Variants in NAALADL2 observed in about 807,000 individuals in gnomAD.
NAALADL2 encodes the protein inactive N-acetylated-alpha-linked acidic dipeptidase-like protein 2.
NAALADL2 carries 76 observed loss-of-function variants against 87.2 expected under a neutral mutation model. The observed-to-expected ratio is 0.87, with a 90% CI of 0.72 to 1.05. The LOEUF (loss-of-function observed/expected upper bound fraction) is 1.05. Among genes scored for constraint, NAALADL2 ranks in the 50% least tolerant of loss-of-function variants. The pLI, the probability that NAALADL2 is intolerant of heterozygous loss-of-function variation, is 0.00. For synonymous variants in NAALADL2, 354 were observed against 331.0 expected, an observed-to-expected ratio of 1.07 and a Z score of -0.75; for missense variants, 1,089 against 945.8, an observed-to-expected ratio of 1.15 and a Z score of -1.99.
chr3:174,542,288 C>T (rs767837716), intron 1 of NAALADL2, among the ~76,000 whole-genome samples: 33 of 152,154 alleles, frequency 2.2e-4, no homozygotes, highest in Non-Finnish European at 4.1e-4. Flanking sequence ...AATATACACT[C>T]CTCCTTAAGT....
At chr3:174,950,123 A>T (rs543908779) in intron 1 of NAALADL2, among the ~76,000 whole-genome samples, 1 of 152,160 alleles carries the variant, frequency 6.6e-6, no homozygotes, top group Non-Finnish European at 1.5e-5. Context: ...GAGACAGAGA[A>T]TACCAAAGTT....
intron 5 of NAALADL2, among the ~76,000 whole-genome samples, chr3:175,423,028 A>AAAAAAAATAT (rs1438736874): frequency 2.2e-4 from 24 of 111,296 alleles, no homozygotes; most frequent in African/African-American, 8.2e-4. Flanking sequence ...GAAAAAAAAA[A>AAAAAAAATAT]ATATATATAT....
intron 1 of NAALADL2, among the ~76,000 whole-genome samples, chr3:174,990,214 A>AAG (rs1746527206): frequency 1.3e-5 from 2 of 152,150 alleles, no homozygotes; most frequent in Non-Finnish European, 2.9e-5. Flanking sequence ...AGTCGAAACT[A>AAG]TTGATATAAT....
intron 9 of NAALADL2, among the ~76,000 whole-genome samples, chr3:175,482,439 C>T (rs6785059): frequency 0.6 from 91,038 of 151,404 alleles, 29,387 homozygotes; most frequent in East Asian, 0.89. Context: ...GTTTATGGTG[C>T]GGTCTTTTAA....
intron 2 of NAALADL2, among the ~76,000 whole-genome samples, chr3:174,597,068 G>A (rs760148249): frequency 1.2e-4 from 18 of 152,122 alleles, no homozygotes; most frequent in Non-Finnish European, 2.2e-4. Flanking sequence ...AGGATTCACA[G>A]GACTCTACAT....
intron 1 of NAALADL2, among the ~76,000 whole-genome samples, chr3:174,530,564 A>G (rs1721149182): frequency 6.6e-6 from 1 of 152,246 alleles, no homozygotes; most frequent in Non-Finnish European, 1.5e-5. Flanking sequence ...TTTACAAAAG[A>G]AAGAGGTTTA....
chr3:174,747,492 T>G (rs1463225942), intron 3 of NAALADL2, among the ~76,000 whole-genome samples: 2 of 151,508 alleles, frequency 1.3e-5, no homozygotes, highest in Non-Finnish European at 2.9e-5. Flanking sequence ...CATGGTGGTG[T>G]GCACCTGTAA....
At chr3:175,199,885 TTTTTTTTC>T (rs1560154302) in intron 2 of NAALADL2, among the ~76,000 whole-genome samples, 1 of 92,240 alleles carries the variant, frequency 1.1e-5, no homozygotes, top group Non-Finnish European at 2.3e-5. Flanking sequence ...TTTTTTTTTT[TTTTTTTTC>T]CTTAGTCCAT....
rs56688716 is a variant in NAALADL2 at position 175,364,835 on chromosome 3, C to T, written c.1090+40510C>T. On this transcript the variant is annotated intron_variant, in intron 5 of 13. Coordinates refer to ENST00000454872, the MANE Select transcript of NAALADL2 (RefSeq NM_207015.3). ...GAGAATAAAATACATACTCAAAAGA[C>T]AGATCACAAGTTAGTCAGTGGAGGA... Among the ~76,000 whole-genome samples the T allele has an allele frequency of 5.3e-3, 789 of 147,628 alleles. 48 individuals carry two copies. The highest frequency in any genetic ancestry group is 0.018 in the African/African-American group (748 of 40,734).
At chr3:175,554,799 A>C (rs1714998518) in intron 9 of NAALADL2, among the ~76,000 whole-genome samples, 2 of 152,174 alleles carry the variant, frequency 1.3e-5, no homozygotes, top group Admixed American at 6.5e-5. Flanking sequence ...CTTAAAGTGA[A>C]AAATAATAAA....
At chr3:175,429,901 T>C (rs1043868540) in intron 5 of NAALADL2, among the ~76,000 whole-genome samples, 2 of 151,974 alleles carry the variant, frequency 1.3e-5, no homozygotes, top group African/African-American at 4.8e-5. Flanking sequence ...AATAACATTA[T>C]ACAATTATTT....
Position 174,859,351 on chromosome 3 carries a change from G to C in NAALADL2, c.-57G>C. 1.5e-6 allele frequency: 2 copies of C among 1,315,728 alleles called. No homozygotes were observed. Among genetic ancestry groups the C allele is most frequent in the Admixed American group, 3.7e-5 (2 of 53,744 alleles). 81.5% of individuals were successfully genotyped at this position (1,315,728 alleles called of 1,614,324 possible). A position where few individuals can be genotyped will look rare whatever the true frequency, so the allele number is the denominator to read the frequency against. On this transcript the variant is annotated 5_prime_UTR_variant, in exon 1 of 14. Transcript: ENST00000454872. Reference sequence around the variant, plus strand: ...AGAAAGTCAGAAGGTCACAAAGCTTGCAGGGTAAGTGACACAACTTGAAAC... The same window carrying C: ...AGAAAGTCAGAAGGTCACAAAGCTTCCAGGGTAAGTGACACAACTTGAAAC...
intron 2 of NAALADL2, among the ~76,000 whole-genome samples, chr3:175,138,604 T>TTTA (rs372069779): frequency 3.3e-5 from 5 of 149,670 alleles, no homozygotes; most frequent in African/African-American, 4.9e-5. Flanking sequence ...TTACAGAGTA[T>TTTA]TTATTATTAT....
chr3:174,930,012 C>A (rs1214323098), intron 1 of NAALADL2, among the ~76,000 whole-genome samples: 1 of 152,090 alleles, frequency 6.6e-6, no homozygotes, highest in East Asian at 1.9e-4. Flanking sequence ...TATCTTTACT[C>A]CAATCAAAGC....
At chr3:174,865,277 G>A (rs1355705755) in intron 1 of NAALADL2, among the ~76,000 whole-genome samples, 1 of 152,022 alleles carries the variant, frequency 6.6e-6, no homozygotes, top group African/African-American at 2.4e-5. Context: ...ATTTAATGCA[G>A]TTTATAATGA....
chr3:174,799,544 TA>T (rs1718561199), intron 3 of NAALADL2, among the ~76,000 whole-genome samples: 1 of 152,156 alleles, frequency 6.6e-6, no homozygotes, highest in Non-Finnish European at 1.5e-5. Flanking sequence ...CTGTGAAGCT[TA>T]AAAAGCCACA....
intron 1 of NAALADL2, among the ~76,000 whole-genome samples, chr3:174,872,036 C>CT (rs1462984617): frequency 6.6e-6 from 1 of 152,024 alleles, no homozygotes; most frequent in Non-Finnish European, 1.5e-5. Context: ...AAATTACAGG[C>CT]TTTAAGGTTC....
In NAALADL2 at chr3:175,347,126, C is replaced by T. The variant is rs551898904; in HGVS notation, c.1090+22801C>T. The stretch of plus-strand genomic sequence containing the variant: ...GCTGCCTTCCAACACTAGCAGCACC[C>T]GGAACCGGCACACTGGTGACTCAGA... On this transcript the variant is annotated intron_variant, in intron 5 of 13. Transcript: ENST00000454872. Among the ~76,000 whole-genome samples the T allele has an allele frequency of 1.2e-4, 19 of 152,216 alleles. 1 individual carries two copies. The highest frequency in any genetic ancestry group is 5.2e-4 in the Admixed American group (8 of 15,278).
chr3:175,476,714 G>A (rs1358510265), intron 9 of NAALADL2, among the ~76,000 whole-genome samples: 2 of 152,086 alleles, frequency 1.3e-5, no homozygotes, highest in Non-Finnish European at 2.9e-5. Context: ...AGCTTTGTCT[G>A]CTGAGGTACT....
Sources: allele counts gnomAD v4.1 joint callset (sites outside exome capture counted in the v4.1 genomes callset), GRCh38; gene constraint gnomAD v4.1.1; transcripts MANE v1.5; gene names NCBI Gene and HGNC (gene_info 2026-07-23, HGNC 2026-07-21).